THSD4: variants seen among roughly 807,000 people sequenced by gnomAD.
THSD4 encodes thrombospondin type-1 domain-containing protein 4.
In THSD4, 69 loss-of-function variants were observed where a neutral mutation model predicts 119.0. That is an observed-to-expected ratio of 0.58 (90% CI 0.48 to 0.71). THSD4 has a LOEUF of 0.71. THSD4 is among the 30% of genes least tolerant of loss of function. The pLI is 0.00. For missense variants in THSD4, 1,393 were observed against 1,391.1 expected (o/e 1.00, Z -0.02); for synonymous variants, 524 against 540.4 (o/e 0.97, Z 0.42).
At chr15:71,635,059 C>T (rs2050713588) in intron 7 of THSD4, among the ~76,000 whole-genome samples, 1 of 152,178 alleles carries the variant, frequency 6.6e-6, no homozygotes, top group South Asian at 2.1e-4. Context: ...ACATTTGATG[C>T]TATTTAAAGC....
intron 8 of THSD4, among the ~76,000 whole-genome samples, chr15:71,696,869 C>T (rs2052175466): frequency 6.6e-6 from 1 of 152,076 alleles, no homozygotes; most frequent in South Asian, 2.1e-4. Context: ...AGTATAGAGG[C>T]CTATAGGTGA....
chr15:71,261,585 T>A (rs1376747397), intron 6 of THSD4, among the ~76,000 whole-genome samples: 1 of 152,146 alleles, frequency 6.6e-6, no homozygotes, highest in African/African-American at 2.4e-5. Flanking sequence ...GGAACCTAGT[T>A]TGGGGGATGG....
intron 7 of THSD4, among the ~76,000 whole-genome samples, chr15:71,498,054 C>T (rs2048054087): frequency 1.3e-5 from 2 of 152,180 alleles, no homozygotes; most frequent in African/African-American, 4.8e-5. Context: ...ACTGGGGTGG[C>T]ATGAAGCCAG....
intron 3 of THSD4, among the ~76,000 whole-genome samples, chr15:71,194,606 G>C (rs577510312): frequency 6.6e-6 from 1 of 152,280 alleles, no homozygotes; most frequent in Non-Finnish European, 1.5e-5. Flanking sequence ...GACAAGGCTT[G>C]ACCTTGCATG....
intron 6 of THSD4, among the ~76,000 whole-genome samples, chr15:71,330,929 C>T (rs2045411985): frequency 6.6e-6 from 1 of 152,180 alleles, no homozygotes; most frequent in Non-Finnish European, 1.5e-5. Flanking sequence ...TGGACACTAA[C>T]CCGTTTACCG....
chr15:71,366,856 G>A (rs2045971663), intron 6 of THSD4, among the ~76,000 whole-genome samples: 1 of 152,160 alleles, frequency 6.6e-6, no homozygotes, highest in African/African-American at 2.4e-5. Context: ...CAATTGTAGG[G>A]AGACCAAATC....
chr15:71,237,169 G>A (rs564782105), intron 4 of THSD4, among the ~76,000 whole-genome samples: 2 of 152,250 alleles, frequency 1.3e-5, no homozygotes, highest in South Asian at 4.1e-4. Flanking sequence ...CAGAGAGAAG[G>A]GGTGGGTGGA....
At chr15:71,146,435 T>A (rs1161736280) in intron 2 of THSD4, among the ~76,000 whole-genome samples, 1 of 150,066 alleles carries the variant, frequency 6.7e-6, no homozygotes, top group Admixed American at 6.6e-5. Context: ...ACACCTAATT[T>A]GCCAGTAGTT....
rs549109333 is a variant in THSD4 at position 71,202,467 on chromosome 15, A to G, written c.100-12568A>G. Among the ~76,000 whole-genome samples, 8 of 152,272 alleles carry G rather than the reference A, an allele frequency of 5.3e-5. No individual in the cohort carries two copies. In the South Asian group the frequency reaches 1.2e-3, roughly 24 times the overall value. Reference sequence around the variant, plus strand: ...AAAGAGTGTGAATATATGCACCCACACACACACGTACACAGATGGCCTGCA... The same window carrying G: ...AAAGAGTGTGAATATATGCACCCACGCACACACGTACACAGATGGCCTGCA... On this transcript the variant is annotated intron_variant, in intron 3 of 17. Transcript: ENST00000261862.
At chr15:71,323,409 A>G (rs536979923) in intron 6 of THSD4, among the ~76,000 whole-genome samples, 2 of 152,340 alleles carry the variant, frequency 1.3e-5, no homozygotes, top group Admixed American at 1.3e-4. Context: ...AAGGAGAAAG[A>G]AGGAGCTTAA....
At chr15:71,173,874 G>A (rs975477518) in intron 3 of THSD4, among the ~76,000 whole-genome samples, 1 of 152,080 alleles carries the variant, frequency 6.6e-6, no homozygotes, top group African/African-American at 2.4e-5. Flanking sequence ...ATGATCAAAT[G>A]ATTTTTGACA....
intron 7 of THSD4, among the ~76,000 whole-genome samples, chr15:71,555,815 ATAAGGGATCTAATTTCATTTTTCAT>A (rs1401848451): frequency 6.6e-6 from 1 of 152,188 alleles, no homozygotes; most frequent in Non-Finnish European, 1.5e-5. Flanking sequence ...TATGGGGTAA[ATAAGGGATCTAATTTCATTTTTCAT>A]TAAGGGATCT....
intron 7 of THSD4, among the ~76,000 whole-genome samples, chr15:71,447,449 G>T (rs1286419753): frequency 6.6e-6 from 1 of 152,044 alleles, no homozygotes; most frequent in East Asian, 1.9e-4. Flanking sequence ...CTCTTTGCCA[G>T]GCTAATTGTT....
intron 1 of THSD4, among the ~76,000 whole-genome samples, chr15:71,118,839 G>A (rs1038374984): frequency 3.9e-5 from 6 of 152,234 alleles, no homozygotes; most frequent in African/African-American, 1.4e-4. Context: ...GGGAAGCTCT[G>A]GCTTTAGGCT....
chr15:71,164,254 G>A (rs1481543206), intron 3 of THSD4, among the ~76,000 whole-genome samples: 2 of 151,612 alleles, frequency 1.3e-5, no homozygotes, highest in African/African-American at 4.9e-5. Flanking sequence ...AAAAGCAAAA[G>A]ACTAGCTTCC....
At chr15:71,763,455 A>T (rs548786137) in intron 15 of THSD4, among the ~76,000 whole-genome samples, 118 of 152,338 alleles carry the variant, frequency 7.7e-4, no homozygotes, top group Non-Finnish European at 1.5e-3. Context: ...TCACGCCTGT[A>T]ATCCCAGAAC....
chr15:71,772,086 C>T (rs541054457), intron 17 of THSD4, among the ~76,000 whole-genome samples: 13 of 152,266 alleles, frequency 8.5e-5, no homozygotes, highest in East Asian at 5.8e-4. Context: ...GGAGGTGCAC[C>T]GAGCCCCTTC....
chr15:71,608,735 C>T (rs1461367044), intron 7 of THSD4, among the ~76,000 whole-genome samples: 1 of 152,148 alleles, frequency 6.6e-6, no homozygotes, highest in Non-Finnish European at 1.5e-5. Context: ...TTTCTACTGC[C>T]AGCATCTCAC....
Position 71,412,940 on chromosome 15 carries a change from G to A in THSD4, c.1152+1117G>A, listed in dbSNP as rs545727370. Among the ~76,000 whole-genome samples the A allele has an allele frequency of 7.2e-5, 11 of 152,248 alleles. No homozygotes were observed. The East Asian group carries it at 1.5e-3, about 21-fold the overall frequency. ...TCAAATCTGGGTAACTGGGGTATCCGTCACCTCAAGTTTTTAGCATTTCTT... is the reference window on the plus strand; with the variant it reads ...TCAAATCTGGGTAACTGGGGTATCCATCACCTCAAGTTTTTAGCATTTCTT... On this transcript the variant is annotated intron_variant, in intron 7 of 17. Transcript: ENST00000261862.
Sources: allele counts gnomAD v4.1 joint callset (sites outside exome capture counted in the v4.1 genomes callset), GRCh38; gene constraint gnomAD v4.1.1; transcripts MANE v1.5; gene names NCBI Gene and HGNC (gene_info 2026-07-23, HGNC 2026-07-21).